The following LRSAM1 variants were observed in gnomAD, a reference collection of about 807,000 sequenced individuals.
LRSAM1 encodes the protein E3 ubiquitin-protein ligase LRSAM1.
LRSAM1 carries 96 observed loss-of-function variants against 118.1 expected under a neutral mutation model. That is an observed-to-expected ratio of 0.81 (90% confidence interval 0.69 to 0.96). LRSAM1 has a LOEUF of 0.96. Among genes scored for constraint, LRSAM1 ranks in the 40% least tolerant of loss-of-function variants. LRSAM1 has a pLI of 0.00. For synonymous variants in LRSAM1, 322 were observed against 364.2 expected, an observed-to-expected ratio of 0.88 and a Z score of 1.32; for missense variants, 804 against 915.5, an observed-to-expected ratio of 0.88 and a Z score of 1.57.
At chr9:127,487,544 C>A in intron 17 of LRSAM1, 132 bp from the exon 18 acceptor site, 1 of 800,300 alleles carries the variant, frequency 1.2e-6, no homozygotes. Context: ...CAGGGCCCGG[C>A]TCCCAGCAGG....
intron 25 of LRSAM1, among the ~76,000 whole-genome samples, chr9:127,502,560 G>T (rs750784469): frequency 2.0e-5 from 3 of 151,942 alleles, no homozygotes; most frequent in African/African-American, 7.3e-5. Flanking sequence ...GGTGGTGCAC[G>T]CCTGTAGTCC....
rs765985792 is a variant in LRSAM1, at chr9:127,454,615, T to C, written c.72+16T>C. The C allele has an allele frequency of 3.1e-6, 5 of 1,612,894 alleles. No homozygotes were observed. Among genetic ancestry groups the C allele is most frequent in the Non-Finnish European group, 4.2e-6 (5 of 1,179,574 alleles). ...GATGTGTTTGGTGAGGGAAAGTGGG[T>C]TTCCTCTAACTCTATCCCATCTCCT... is the stretch of plus-strand genomic sequence containing the variant. On this transcript the variant is annotated intron_variant, in intron 3 of 25. Coordinates refer to ENST00000300417, the MANE Select transcript of LRSAM1 (RefSeq NM_001005373.4).
At chr9:127,481,642 G>A (rs1835543377) in intron 15 of LRSAM1, among the ~76,000 whole-genome samples, 1 of 152,222 alleles carries the variant, frequency 6.6e-6, no homozygotes, top group South Asian at 2.1e-4. Flanking sequence ...CACCTCCTTA[G>A]ACGATATTTA....
chr9:127,496,970 G>T (rs1041102754), intron 23 of LRSAM1, among the ~76,000 whole-genome samples: 2 of 152,260 alleles, frequency 1.3e-5, no homozygotes, highest in Non-Finnish European at 2.9e-5. Flanking sequence ...GGAAGCAGTT[G>T]CTAAACCATA....
chr9:127,494,252 G>A (rs1836039656), intron 21 of LRSAM1, among the ~76,000 whole-genome samples: 1 of 152,262 alleles, frequency 6.6e-6, no homozygotes, highest in Non-Finnish European at 1.5e-5. Context: ...AGGTCCAGGA[G>A]GGGCCCGCAA....
In LRSAM1 at chr9:127,461,140, C is replaced by T. The variant is rs931381539; in HGVS notation, c.322-33C>T. On this transcript the variant is annotated intron_variant, in intron 7 of 25. Transcript: ENST00000300417. ...AAGTGCTGGGATTACAGGCATAAGC[C>T]ACTGCGCCTGGCTGCCTCTTCCTCT... 5.1e-6 allele frequency: 8 copies of T among 1,569,574 alleles called. No homozygotes were observed. In the African/African-American group the frequency reaches 9.5e-5, roughly 19 times the overall value.
chr9:127,503,498 C>G lies in LRSAM1; in HGVS notation c.*599C>G, dbSNP rs866218361. The G allele has an allele frequency of 6.5e-6, 1 of 153,766 alleles. No individual in the cohort carries two copies. Among genetic ancestry groups the G allele is most frequent in the Non-Finnish European group, 1.4e-5 (1 of 69,182 alleles). 9.5% of individuals were successfully genotyped at this position (153,766 alleles called of 1,614,324 possible). On this transcript the variant is annotated 3_prime_UTR_variant, in exon 26 of 26. Transcript: ENST00000300417. Reference sequence around the variant, plus strand: ...AGTGTCAATAAACCTGTCTTCAGTGCGCTTCTGGCCTGAGTCATCACTGGG... The same window carrying G: ...AGTGTCAATAAACCTGTCTTCAGTGGGCTTCTGGCCTGAGTCATCACTGGG...
intron 2 of LRSAM1, chr9:127,454,096 C>A (rs1839778734): frequency 3.1e-6 from 1 of 322,920 alleles, no homozygotes; most frequent in South Asian, 2.5e-5. Flanking sequence ...AAAGACGCAG[C>A]CCCTGCCCCC....
rs1402710278 is a variant in LRSAM1, at chr9:127,467,956, G to A, written c.619+126G>A. 3.2e-5 allele frequency: 29 copies of A among 908,714 alleles called. No individual in the cohort carries two copies. The South Asian group carries it at 3.3e-4, about 10-fold the overall frequency. The allele number at this position is 908,714 out of a possible 1,614,324, so 56.3% of individuals were successfully genotyped here. A position where few individuals can be genotyped will look rare whatever the true frequency, so the allele number is the denominator to read the frequency against. ...CACAGTGCCTACCTGCTTGGAGTTC[G>A]AGGTCTGGCAAGGGAAACAGGCAAA... On this transcript the variant is annotated intron_variant, in intron 10 of 25. Transcript: ENST00000300417.
intron 4 of LRSAM1, 27 bp downstream of exon 4, chr9:127,455,081 G>A: frequency 6.2e-7 from 1 of 1,611,388 alleles, no homozygotes; most frequent in Non-Finnish European, 8.5e-7. Flanking sequence ...GTTGGGCTGT[G>A]AATTGGATCT....
At chr9:127,495,570 C>T (rs908509213) in intron 22 of LRSAM1, 152 bp downstream of exon 22, 15 of 727,762 alleles carry the variant, frequency 2.1e-5, no homozygotes, top group African/African-American at 1.2e-4. Context: ...GAGACAGAAG[C>T]GAGAGTAAGG....
At chr9:127,487,132 C>T (rs1835758934) in intron 17 of LRSAM1, among the ~76,000 whole-genome samples, 1 of 150,684 alleles carries the variant, frequency 6.6e-6, no homozygotes, top group East Asian at 1.9e-4. Flanking sequence ...TGCAGTGAGC[C>T]ACGATCACAC....
rs758071164 is a variant in LRSAM1, at chr9:127,473,949, G to A, written c.750+18G>A. The A allele has an allele frequency of 6.2e-7, 1 of 1,614,156 alleles. No individual in the cohort carries two copies. On this transcript the variant is annotated intron_variant, in intron 11 of 25. Coordinates refer to ENST00000300417, the MANE Select transcript of LRSAM1 (RefSeq NM_001005373.4). ...AGTGGCAGGTAAGACAAGGCAGCCT[G>A]CTGCACGCATACATGTGTGTGTGTG...
chr9:127,473,419 AG>A (rs1766134546), intron 10 of LRSAM1, among the ~76,000 whole-genome samples: 1 of 152,370 alleles, frequency 6.6e-6, no homozygotes, highest in South Asian at 2.1e-4. Flanking sequence ...GAAATTTTAC[AG>A]GCAAAACCAC....
chr9:127,496,637 A>G (rs1174147772), intron 23 of LRSAM1, among the ~76,000 whole-genome samples: 1 of 152,152 alleles, frequency 6.6e-6, no homozygotes, highest in Non-Finnish European at 1.5e-5. Flanking sequence ...CATTATCATC[A>G]TCTTTCAGTT....
rs770365427 is a variant in LRSAM1, at chr9:127,461,275, G to A, written c.406+18G>A. 8.7e-6 allele frequency: 14 copies of A among 1,604,240 alleles called. No homozygotes were observed. The highest frequency in any genetic ancestry group is 5.4e-5 in the African/African-American group (4 of 74,690). ...TGTTAAAGGTAGGGACCAAGAAGCCGTGTCCGTGTGACCCTCCATCAGCTC... is the reference window on the plus strand; with the variant it reads ...TGTTAAAGGTAGGGACCAAGAAGCCATGTCCGTGTGACCCTCCATCAGCTC... On this transcript the variant is annotated intron_variant, in intron 8 of 25. Transcript: ENST00000300417.
rs1360006080 is a variant in LRSAM1 at position 127,497,304 on chromosome 9, G to A, written c.1882G>A (p.Glu628Lys). Residue 628 changes from glutamate to lysine, a missense_variant, in exon 24 of 26, where the codon GAA becomes AAA. Glu to Lys is a moderately conservative substitution (Grantham distance 56). Coordinates refer to ENST00000300417, the MANE Select transcript of LRSAM1 (RefSeq NM_001005373.4). ...GCACGAGATCCTCCGGAGAGTCCAG[G>A]AACTGCTGGATGCAGCCAGGATCCA... ...LQHEILRRVQ[E>K]LLDAARIQPE... is the part of the protein sequence containing the mutation. 6.2e-7 allele frequency: 1 copy of A among 1,612,896 alleles called. No individual in the cohort carries two copies. The highest frequency in any genetic ancestry group is 1.1e-5 in the South Asian group (1 of 91,074).
At chr9:127,479,597 C>T in intron 13 of LRSAM1, 92 bp downstream of exon 13, 1 of 1,561,094 alleles carries the variant, frequency 6.4e-7, no homozygotes, top group Non-Finnish European at 8.7e-7. Context: ...TGTGGAAAGG[C>T]AGTGGGATGA....
intron 7 of LRSAM1, among the ~76,000 whole-genome samples, chr9:127,459,575 A>T (rs917475175): frequency 7.0e-6 from 1 of 142,914 alleles, no homozygotes; most frequent in South Asian, 2.2e-4. Context: ...TTGTATGTGT[A>T]TTTTTTTTTT....
Sources: gnomAD v4.1 joint callset for allele counts (sites outside exome capture counted in the v4.1 genomes callset) on GRCh38, gnomAD v4.1.1 for gene constraint, MANE v1.5 for transcripts, NCBI Gene and HGNC (gene_info 2026-07-23, HGNC 2026-07-21) for gene names.